Variants in SLC14A2 observed in about 807,000 individuals in gnomAD.
SLC14A2 encodes the protein solute carrier family 14 member 2, also known as urea transporter 2.
SLC14A2 carries 91 observed loss-of-function variants against 104.6 expected under a neutral mutation model. The observed-to-expected ratio is 0.87, with a 90% CI of 0.73 to 1.04. The LOEUF (loss-of-function observed/expected upper bound fraction) is 1.04, where lower values mean the gene tolerates loss of function less well. Ranked by LOEUF, SLC14A2 falls within the 50% of genes least tolerant of loss-of-function variation. The pLI is 0.00. For missense variants in SLC14A2, 1,189 were observed against 1,156.0 expected (o/e 1.03, Z -0.41); for synonymous variants, 476 against 466.4 (o/e 1.02, Z -0.27).
chr18:45,454,476 T>C (rs2086909178), intron 1 of SLC14A2, among the ~76,000 whole-genome samples: 1 of 152,242 alleles, frequency 6.6e-6, no homozygotes, highest in South Asian at 2.1e-4. Context: ...CTGCTGATAG[T>C]TTCTTTTGCT....
intron 1 of SLC14A2, among the ~76,000 whole-genome samples, chr18:45,445,783 G>C (rs57034512): frequency 4.6e-5 from 7 of 152,118 alleles, no homozygotes; most frequent in Non-Finnish European, 1.0e-4. Context: ...GGCAGATGAG[G>C]CCCTTCCCTC....
At chr18:45,197,273 A>G in the SLC14A2 span, among the ~76,000 whole-genome samples, 1 of 152,314 alleles carries the variant, frequency 6.6e-6, no homozygotes, top group East Asian at 1.9e-4. Flanking sequence ...CACCTGTTCT[A>G]TCTCAAAAAC....
chr18:45,476,875 A>C (rs1164279007), intron 1 of SLC14A2, among the ~76,000 whole-genome samples: 1 of 152,172 alleles, frequency 6.6e-6, no homozygotes, highest in Non-Finnish European at 1.5e-5. Flanking sequence ...CTAGTTAGCA[A>C]TTCCTCTAAC....
chr18:45,354,919 T>A (rs1020928158), intron 1 of SLC14A2, among the ~76,000 whole-genome samples: 1 of 152,204 alleles, frequency 6.6e-6, no homozygotes, highest in African/African-American at 2.4e-5. Flanking sequence ...GCTAATTCTA[T>A]GTTTTGTTTT....
intron 1 of SLC14A2, among the ~76,000 whole-genome samples, chr18:45,339,795 G>A (rs1192870623): frequency 6.6e-6 from 1 of 152,168 alleles, no homozygotes; most frequent in East Asian, 1.9e-4. Context: ...ATAGTCCATG[G>A]GTAGGGTGAC....
At chr18:45,499,427 A>G (rs1231696360) in intron 2 of SLC14A2, among the ~76,000 whole-genome samples, 1 of 152,182 alleles carries the variant, frequency 6.6e-6, no homozygotes, top group Non-Finnish European at 1.5e-5. Context: ...ATAGAATAAA[A>G]CATTTTATCA....
At chr18:45,660,846 A>G (rs555285365) in intron 10 of SLC14A2, among the ~76,000 whole-genome samples, 2 of 152,324 alleles carry the variant, frequency 1.3e-5, no homozygotes, top group East Asian at 1.9e-4. Flanking sequence ...CCAGTGGTAA[A>G]TTGCTTTATC....
intron 2 of SLC14A2, among the ~76,000 whole-genome samples, chr18:45,578,213 CCCTCTCTA>C (rs1169401066): frequency 1.3e-5 from 2 of 152,230 alleles, no homozygotes; most frequent in African/African-American, 4.8e-5. Flanking sequence ...ACAACCATCA[CCCTCTCTA>C]CAACACCTTT....
chr18:45,338,024 C>A (rs1169430435), intron 1 of SLC14A2, among the ~76,000 whole-genome samples: 7 of 152,148 alleles, frequency 4.6e-5, no homozygotes, highest in Admixed American at 1.3e-4. Flanking sequence ...AAGAACCCTG[C>A]TCTCCACAAC....
At chr18:45,537,021 C>CCCTT (rs2043798604) in intron 2 of SLC14A2, among the ~76,000 whole-genome samples, 1 of 23,854 alleles carries the variant, frequency 4.2e-5, no homozygotes, top group African/African-American at 3.3e-4. Flanking sequence ...CCCCTCTCTC[C>CCCTT]CCTCCCTCCC....
At chr18:45,299,291 G>C (rs1037125821) in intron 1 of SLC14A2, among the ~76,000 whole-genome samples, 1 of 152,218 alleles carries the variant, frequency 6.6e-6, no homozygotes, top group Non-Finnish European at 1.5e-5. Context: ...TCTATGTAAA[G>C]ACTGAGAATT....
At chr18:45,302,261 T>C (rs1308139175) in intron 1 of SLC14A2, among the ~76,000 whole-genome samples, 1 of 152,228 alleles carries the variant, frequency 6.6e-6, no homozygotes, top group East Asian at 1.9e-4. Flanking sequence ...AGTTTTTAGA[T>C]GATAATGTCT....
chr18:45,253,231 A>AG (rs1191036635), intron 1 of SLC14A2, among the ~76,000 whole-genome samples: 1 of 152,118 alleles, frequency 6.6e-6, no homozygotes, highest in East Asian at 1.9e-4. Flanking sequence ...TGCTGGCTGG[A>AG]GGGTAACACT....
At chr18:45,523,319 T>C (rs943219791) in intron 2 of SLC14A2, among the ~76,000 whole-genome samples, 6 of 151,886 alleles carry the variant, frequency 4.0e-5, no homozygotes, top group African/African-American at 1.5e-4. Context: ...TCACCAGGTT[T>C]TTTTTTTGTT....
At chr18:45,225,738 T>A (rs1435776093) in intron 1 of SLC14A2, among the ~76,000 whole-genome samples, 2 of 152,192 alleles carry the variant, frequency 1.3e-5, no homozygotes, top group African/African-American at 2.4e-5. Flanking sequence ...GGTATTTTAT[T>A]CTCTTTGAAG....
At chr18:45,648,902 A>T (rs1216017921) in intron 10 of SLC14A2, among the ~76,000 whole-genome samples, 1 of 152,074 alleles carries the variant, frequency 6.6e-6, no homozygotes, top group Non-Finnish European at 1.5e-5. Context: ...TTCTGCTAGC[A>T]GTTACTGCTC....
At chr18:45,610,783 A>T (rs2044959838), upstream of SLC14A2, among the ~76,000 whole-genome samples, 1 of 152,100 alleles carries the variant, frequency 6.6e-6, no homozygotes, top group Non-Finnish European at 1.5e-5. Flanking sequence ...TTTCACCTAG[A>T]GGTTTGTTTT....
Position 45,305,588 on chromosome 18 carries a change from C to G in SLC14A2, c.-125+92397C>G, listed in dbSNP as rs569414457. ...CCCTCCCCAGGTCTCCCTGACCCAC[C>G]ACCCATTCCACTTCCACCCATCACG... On this transcript the variant is annotated intron_variant, in intron 1 of 20. Transcript: ENST00000586448. Among the ~76,000 whole-genome samples, 35 of 152,330 alleles carry G rather than the reference C, an allele frequency of 2.3e-4. 1 individual carries two copies. Among genetic ancestry groups the G allele is most frequent in the Admixed American group, 2.2e-3 (33 of 15,296 alleles).
At chr18:45,176,509 C>T in the SLC14A2 span, among the ~76,000 whole-genome samples, 7 of 152,232 alleles carry the variant, frequency 4.6e-5, no homozygotes, top group South Asian at 1.5e-3. Flanking sequence ...CTCCCATTCC[C>T]AACTAATACT....
Sources: allele counts gnomAD v4.1 joint callset (sites outside exome capture counted in the v4.1 genomes callset), GRCh38; gene constraint gnomAD v4.1.1; transcripts MANE v1.5; gene names NCBI Gene and HGNC (gene_info 2026-07-23, HGNC 2026-07-21).